GRM7: variants seen among roughly 807,000 people sequenced by gnomAD.
GRM7 encodes the protein glutamate metabotropic receptor 7.
A neutral mutation model predicts 84.5 loss-of-function variants in GRM7; 35 were observed. That is an observed-to-expected ratio of 0.41 (90% CI 0.32 to 0.55). The LOEUF (loss-of-function observed/expected upper bound fraction) is 0.55, where lower values mean the gene tolerates loss of function less well. Among genes scored for constraint, GRM7 ranks in the 20% least tolerant of loss-of-function variants. The probability of loss-of-function intolerance (pLI) is 0.19; values close to 1 mark genes in which losing one functional copy is unlikely to be tolerated. For missense variants in GRM7, 1,003 were observed against 1,194.6 expected (o/e 0.84, Z 2.36); for synonymous variants, 487 against 455.1 (o/e 1.07, Z -0.89).
intron 2 of GRM7, among the ~76,000 whole-genome samples, chr3:7,253,785 C>T (rs761221365): frequency 6.6e-6 from 1 of 152,060 alleles, no homozygotes; most frequent in Non-Finnish European, 1.5e-5. Flanking sequence ...CTGATGCAAG[C>T]AGGTAGACTG....
chr3:7,405,214 A>G (rs989608104), intron 4 of GRM7, among the ~76,000 whole-genome samples: 1 of 152,208 alleles, frequency 6.6e-6, no homozygotes. Context: ...AAAATATGTC[A>G]TATCAAGGAT....
chr3:7,557,887 A>C (rs994113503), intron 7 of GRM7, among the ~76,000 whole-genome samples: 1 of 152,168 alleles, frequency 6.6e-6, no homozygotes, highest in African/African-American at 2.4e-5. Flanking sequence ...AGTGACCCTC[A>C]GAAATAAGCA....
At chr3:7,347,794 G>A (rs1360073479) in intron 4 of GRM7, among the ~76,000 whole-genome samples, 3 of 152,030 alleles carry the variant, frequency 2.0e-5, no homozygotes, top group South Asian at 2.1e-4. Flanking sequence ...ATATAATTTA[G>A]TTCCATGTTT....
At chr3:7,356,458 C>T (rs1350832141) in intron 4 of GRM7, among the ~76,000 whole-genome samples, 6 of 151,844 alleles carry the variant, frequency 4.0e-5, no homozygotes, top group East Asian at 1.9e-4. Context: ...TGTGCCACCA[C>T]GCCTGGTTAA....
intron 1 of GRM7, among the ~76,000 whole-genome samples, chr3:6,883,413 T>C (rs1695583548): frequency 6.6e-6 from 1 of 152,156 alleles, no homozygotes; most frequent in African/African-American, 2.4e-5. Flanking sequence ...CAGGGAGAAA[T>C]CATCAGTCAC....
chr3:6,967,271 C>A (rs1418539729), intron 1 of GRM7, among the ~76,000 whole-genome samples: 1 of 152,186 alleles, frequency 6.6e-6, no homozygotes, highest in African/African-American at 2.4e-5. Context: ...TCACTCACTG[C>A]AGCCACAAAC....
intron 8 of GRM7, among the ~76,000 whole-genome samples, chr3:7,585,600 A>G (rs1229087744): frequency 6.6e-6 from 1 of 152,168 alleles, no homozygotes; most frequent in Non-Finnish European, 1.5e-5. Context: ...ATTCCTGCTA[A>G]AAGGGAAGAC....
At chr3:7,228,990 T>G (rs1697073775) in intron 2 of GRM7, among the ~76,000 whole-genome samples, 1 of 152,188 alleles carries the variant, frequency 6.6e-6, no homozygotes, top group South Asian at 2.1e-4. Context: ...AATGAAAATA[T>G]CAAGCTTTTT....
intron 1 of GRM7, among the ~76,000 whole-genome samples, chr3:6,913,555 G>T (rs954417480): frequency 6.6e-6 from 1 of 152,004 alleles, no homozygotes; most frequent in Non-Finnish European, 1.5e-5. Flanking sequence ...TCTAGTTCTT[G>T]GTTACGAAGT....
At chr3:7,667,277 AAAAAG>A (rs1699740167) in intron 8 of GRM7, among the ~76,000 whole-genome samples, 1 of 136,028 alleles carries the variant, frequency 7.4e-6, no homozygotes, top group African/African-American at 3.3e-5. Flanking sequence ...GTTAAAAAAA[AAAAAG>A]AGAGAGAGAG....
intron 1 of GRM7, among the ~76,000 whole-genome samples, chr3:7,098,071 C>G (rs1364384463): frequency 2.6e-5 from 4 of 151,994 alleles, no homozygotes; most frequent in African/African-American, 9.7e-5. Context: ...CTGTTAATTT[C>G]TAAAAATTGA....
At chr3:7,194,004 C>T (rs1369669795) in intron 2 of GRM7, among the ~76,000 whole-genome samples, 10 of 152,086 alleles carry the variant, frequency 6.6e-5, no homozygotes, top group Admixed American at 6.6e-4. Flanking sequence ...GTGCCTAATA[C>T]ATAATACACA....
At chr3:7,563,284 A>T (rs944763318) in intron 7 of GRM7, among the ~76,000 whole-genome samples, 2 of 152,172 alleles carry the variant, frequency 1.3e-5, no homozygotes, top group Non-Finnish European at 1.5e-5. Flanking sequence ...GAAGAATGAC[A>T]AGTGTTCAAA....
intron 1 of GRM7, among the ~76,000 whole-genome samples, chr3:6,914,720 T>C (rs985486974): frequency 2.6e-5 from 4 of 152,152 alleles, no homozygotes; most frequent in Admixed American, 1.3e-4. Context: ...CATTTTGATA[T>C]GTCTATGATA....
chr3:7,221,182 G>C (rs905387756), intron 2 of GRM7, among the ~76,000 whole-genome samples: 6 of 152,030 alleles, frequency 3.9e-5, no homozygotes, highest in African/African-American at 1.4e-4. Flanking sequence ...CCTCCATTGA[G>C]GTTATGTGCA....
intron 1 of GRM7, among the ~76,000 whole-genome samples, chr3:7,100,175 A>G (rs565456446): frequency 4.0e-5 from 6 of 151,644 alleles, no homozygotes; most frequent in African/African-American, 1.4e-4. Context: ...TAACTTTTAT[A>G]ACATGTTGAC....
chr3:7,737,828 A>C (rs1702554043), intron 9 of GRM7, among the ~76,000 whole-genome samples: 1 of 151,886 alleles, frequency 6.6e-6, no homozygotes, highest in Non-Finnish European at 1.5e-5. Context: ...GCACCAGGTA[A>C]AAATTATTCT....
At chr3:7,024,434 G>C (rs987035380) in intron 1 of GRM7, among the ~76,000 whole-genome samples, 5 of 152,210 alleles carry the variant, frequency 3.3e-5, no homozygotes, top group South Asian at 2.1e-4. Flanking sequence ...CCATGCCATA[G>C]AGGAAAGAAA....
chr3:7,529,908 TTTTC>T (rs759963531), intron 7 of GRM7, among the ~76,000 whole-genome samples: 9 of 78,936 alleles, frequency 1.1e-4, no homozygotes, highest in African/African-American at 1.7e-4. Context: ...TGTTAGGACC[TTTTC>T]TTTTTTTTTT....
Sources: gnomAD v4.1 joint callset for allele counts (sites outside exome capture counted in the v4.1 genomes callset) on GRCh38, gnomAD v4.1.1 for gene constraint, MANE v1.5 for transcripts, NCBI Gene and HGNC (gene_info 2026-07-23, HGNC 2026-07-21) for gene names.